NBAS: variants seen among roughly 807,000 people sequenced by gnomAD.
NBAS encodes the protein NAG/BC035112 fusion.
NBAS carries 219 observed loss-of-function variants against 302.5 expected under a neutral mutation model. That is an observed-to-expected ratio of 0.72 (90% CI 0.65 to 0.81). The LOEUF (loss-of-function observed/expected upper bound fraction) is 0.81. NBAS is among the 30% of genes least tolerant of loss of function. The probability of loss-of-function intolerance (pLI) is 0.00; values close to 1 mark genes in which losing one functional copy is unlikely to be tolerated. For synonymous variants in NBAS, 1,118 were observed against 1,021.6 expected (o/e 1.09, Z -1.80); for missense variants, 2,932 against 2,841.6 (o/e 1.03, Z -0.72).
At chr2:14,853,439 T>G in the NBAS span, among the ~76,000 whole-genome samples, 4 of 93,886 alleles carry the variant, frequency 4.3e-5, 2 homozygotes, top group African/African-American at 2.3e-4. Flanking sequence ...CTGGAGAGGA[T>G]GTGGAGAAAT....
chr2:14,844,690 C>T, the NBAS span, among the ~76,000 whole-genome samples: 9 of 152,010 alleles, frequency 5.9e-5, no homozygotes, highest in Admixed American at 1.3e-4. Context: ...AGGGTGAGGC[C>T]CAGACCAGGC....
chr2:15,312,165 C>T (rs1671307345), intron 38 of NBAS, among the ~76,000 whole-genome samples: 1 of 152,222 alleles, frequency 6.6e-6, no homozygotes, highest in Non-Finnish European at 1.5e-5. Flanking sequence ...TGTGCGTCAC[C>T]AGATCTTCGT....
At chr2:15,056,188 A>G in the NBAS span, among the ~76,000 whole-genome samples, 1 of 151,998 alleles carries the variant, frequency 6.6e-6, no homozygotes, top group Non-Finnish European at 1.5e-5. Flanking sequence ...TCTGAAATGG[A>G]TCTATTTTCT....
intron 31 of NBAS, among the ~76,000 whole-genome samples, chr2:15,371,516 T>C (rs1441979738): frequency 2.0e-5 from 3 of 152,224 alleles, no homozygotes; most frequent in Non-Finnish European, 4.4e-5. Context: ...AGATATAACT[T>C]ACAGGACTGT....
the NBAS span, among the ~76,000 whole-genome samples, chr2:15,052,455 G>T: frequency 6.6e-6 from 1 of 152,116 alleles, no homozygotes; most frequent in Non-Finnish European, 1.5e-5. Context: ...CACGGTATAG[G>T]CTGGCACGAT....
intron 35 of NBAS, among the ~76,000 whole-genome samples, chr2:15,350,318 G>T (rs954849887): frequency 2.1e-4 from 32 of 152,026 alleles, no homozygotes; most frequent in African/African-American, 7.7e-4. Flanking sequence ...CACAATAGGT[G>T]TCTCCCAAAA....
chr2:14,828,198 A>G, the NBAS span, among the ~76,000 whole-genome samples: 1 of 152,192 alleles, frequency 6.6e-6, no homozygotes. Context: ...TAGATAATAA[A>G]TAAACGTTTT....
intron 21 of NBAS, among the ~76,000 whole-genome samples, chr2:15,439,481 T>TAA (rs1401160368): frequency 6.7e-6 from 1 of 149,912 alleles, no homozygotes; most frequent in East Asian, 2.0e-4. Context: ...CAGGGATAAA[T>TAA]TAAAAAAAAA....
At chr2:15,025,637 C>T in the NBAS span, among the ~76,000 whole-genome samples, 117,174 of 152,028 alleles carry the variant, frequency 0.77, 45,420 homozygotes, top group East Asian at 1. Flanking sequence ...ATCTGATTTC[C>T]TTGAGCAGTG....
chr2:15,431,262 G>C (rs992659195), intron 21 of NBAS, among the ~76,000 whole-genome samples: 1 of 152,054 alleles, frequency 6.6e-6, no homozygotes, highest in African/African-American at 2.4e-5. Flanking sequence ...TTTAATCTTA[G>C]GTTTGATCAC....
the NBAS span, among the ~76,000 whole-genome samples, chr2:14,826,241 T>A: frequency 6.6e-6 from 1 of 152,250 alleles, no homozygotes; most frequent in Non-Finnish European, 1.5e-5. Context: ...CAAGTCTTTG[T>A]AATTATGTAA....
the NBAS span, among the ~76,000 whole-genome samples, chr2:14,930,940 T>C: frequency 6.6e-6 from 1 of 152,236 alleles, no homozygotes; most frequent in Non-Finnish European, 1.5e-5. Flanking sequence ...ACTGAATATC[T>C]ACCCTTCTCC....
the NBAS span, among the ~76,000 whole-genome samples, chr2:15,008,269 A>G: frequency 6.6e-6 from 1 of 152,234 alleles, no homozygotes; most frequent in Admixed American, 6.5e-5. Flanking sequence ...GACCCCGCTA[A>G]GTTCTGTCTC....
the NBAS span, among the ~76,000 whole-genome samples, chr2:14,900,252 C>T: frequency 0.022 from 3,405 of 151,994 alleles, 123 homozygotes; most frequent in African/African-American, 0.077. Context: ...TTCCACCTTT[C>T]TAAGTATTCA....
the NBAS span, among the ~76,000 whole-genome samples, chr2:15,112,761 G>GAAGATTTTATATTCAGTAAAATTA: frequency 0.96 from 146,555 of 152,040 alleles, 70,659 homozygotes; most frequent in East Asian, 1. Context: ...AATATAAACC[G>GAAGATTTTATATTCAGTAAAATTA]AATTTCAAGT....
At chr2:15,547,901 AAAC>A (rs1664189812) in intron 6 of NBAS, among the ~76,000 whole-genome samples, 1 of 152,220 alleles carries the variant, frequency 6.6e-6, no homozygotes, top group South Asian at 2.1e-4. Context: ...ATTCATACTT[AAAC>A]ACTACCTCCC....
chr2:15,055,411 C>G, the NBAS span, among the ~76,000 whole-genome samples: 1 of 152,128 alleles, frequency 6.6e-6, no homozygotes, highest in East Asian at 1.9e-4. Context: ...CTACCTTCTC[C>G]TATTCATGCT....
At chr2:14,779,121 G>C in the NBAS span, among the ~76,000 whole-genome samples, 1 of 152,266 alleles carries the variant, frequency 6.6e-6, no homozygotes, top group Non-Finnish European at 1.5e-5. Flanking sequence ...AAGTATGAAG[G>C]ATCAGCAGAA....
the NBAS span, among the ~76,000 whole-genome samples, chr2:14,983,629 AG>A: frequency 9.2e-5 from 14 of 152,232 alleles, no homozygotes; most frequent in African/African-American, 3.1e-4. Flanking sequence ...TTAAAGCAAT[AG>A]GATTACTTGG....
Sources: allele counts gnomAD v4.1 joint callset (sites outside exome capture counted in the v4.1 genomes callset), GRCh38; gene constraint gnomAD v4.1.1; transcripts MANE v1.5; gene names NCBI Gene and HGNC (gene_info 2026-07-23, HGNC 2026-07-21).